AVEN: variants seen among roughly 807,000 people sequenced by gnomAD.
The protein encoded by AVEN is cell death regulator Aven.
Under a neutral mutation model 38.1 loss-of-function variants are expected in AVEN, and 41 were observed. The observed-to-expected ratio is 1.08, with a 90% CI of 0.84 to 1.40. AVEN has a LOEUF of 1.40. AVEN is among the 40% of genes most tolerant of loss of function. The probability of loss-of-function intolerance (pLI) is 0.00; values close to 1 mark genes in which losing one functional copy is unlikely to be tolerated. For missense variants in AVEN, 605 were observed against 438.8 expected (o/e 1.38, Z -3.38); for synonymous variants, 206 against 171.8 (o/e 1.20, Z -1.56).
intron 2 of AVEN, among the ~76,000 whole-genome samples, chr15:33,996,269 G>A (rs59031451): frequency 0.18 from 27,041 of 152,114 alleles, 3,306 homozygotes; most frequent in African/African-American, 0.34. Flanking sequence ...CTGGACAAAC[G>A]GCAGCAGAAA....
At chr15:33,900,078 C>A (rs773225726) in intron 2 of AVEN, among the ~76,000 whole-genome samples, 1 of 152,106 alleles carries the variant, frequency 6.6e-6, no homozygotes, top group Non-Finnish European at 1.5e-5. Context: ...GTCCTAGTGT[C>A]TACATCTGTA....
chr15:33,997,277 A>G (rs759212277), intron 2 of AVEN, among the ~76,000 whole-genome samples: 10 of 152,222 alleles, frequency 6.6e-5, no homozygotes, highest in Non-Finnish European at 1.5e-4. Flanking sequence ...GCAAACACAA[A>G]TATCAAAAGA....
At chr15:33,854,339 T>G (rs73372097), downstream of AVEN, 32,163 of 1,486,830 alleles carry the variant, frequency 0.022, 2,808 homozygotes, top group African/African-American at 0.23. Flanking sequence ...ATTGAGCACT[T>G]AACTACCTCT....
At chr15:33,917,351 GGTGT>G (rs148147589) in intron 2 of AVEN, among the ~76,000 whole-genome samples, 3,717 of 140,296 alleles carry the variant, frequency 0.026, 141 homozygotes, top group African/African-American at 0.079. Flanking sequence ...AAGAAAATGT[GGTGT>G]GTGTGTGTGT....
chr15:33,917,396 A>ACACACACAC lies in AVEN; in HGVS notation c.446-41402_446-41401insGTGTGTGTG, dbSNP rs1555506897. Among the ~76,000 whole-genome samples the ACACACACAC allele has an allele frequency of 4.6e-3, 108 of 23,260 alleles. 1 individual carries two copies. Among genetic ancestry groups the ACACACACAC allele is most frequent in the African/African-American group, 8.4e-3 (105 of 12,508 alleles). 15.3% of individuals were successfully genotyped at this position (23,260 alleles called of 152,430 possible). ...TGTGTATACACACACACACACACACACATGGAATACTACTATATATATACA... is the reference window on the plus strand; with the variant it reads ...TGTGTATACACACACACACACACACACACACACACCATGGAATACTACTATATATATACA... On this transcript the variant is annotated intron_variant, in intron 2 of 5. Coordinates refer to ENST00000306730, the MANE Select transcript of AVEN (RefSeq NM_020371.3).
chr15:33,852,991 T>G, the AVEN span: 2 of 1,470,662 alleles, frequency 1.4e-6, no homozygotes, highest in Non-Finnish European at 1.9e-6. Context: ...TTTCTTGATG[T>G]GTTTTCCTTG....
chr15:34,073,989 C>CTTTTTTTTTTTTTTTTTT (rs5811818), intron 1 of AVEN, among the ~76,000 whole-genome samples: 6 of 31,508 alleles, frequency 1.9e-4, no homozygotes, highest in African/African-American at 3.9e-4. Context: ...TCTTCTTCTT[C>CTTTTTTTTTTTTTTTTTT]TTTTTTTTTT....
chr15:33,942,801 T>A (rs62014515), intron 2 of AVEN, among the ~76,000 whole-genome samples: 5,563 of 152,276 alleles, frequency 0.037, 144 homozygotes, highest in South Asian at 0.069. Flanking sequence ...AATTACAATA[T>A]CCTGAGGATT....
intron 1 of AVEN, chr15:34,018,599 G>C (rs1329341472): frequency 6.6e-6 from 1 of 152,234 alleles, no homozygotes; most frequent in Non-Finnish European, 1.5e-5. Flanking sequence ...AGGTAGTGCA[G>C]ACCCAAAGAG....
intron 1 of AVEN, among the ~76,000 whole-genome samples, chr15:34,005,031 G>A (rs774661412): frequency 1.3e-5 from 2 of 151,950 alleles, no homozygotes; most frequent in Admixed American, 1.3e-4. Context: ...GAGAAAATTA[G>A]GAGGAAAAGA....
At chr15:34,005,703 T>C (rs1046796764) in intron 1 of AVEN, among the ~76,000 whole-genome samples, 1 of 152,248 alleles carries the variant, frequency 6.6e-6, no homozygotes, top group Non-Finnish European at 1.5e-5. Flanking sequence ...TTTGATCCAC[T>C]GTAAATTTCT....
At chr15:33,883,533 T>C (rs1039882024) in intron 2 of AVEN, 3 of 152,112 alleles carry the variant, frequency 2.0e-5, no homozygotes, top group African/African-American at 7.2e-5. Context: ...AACTGCTACA[T>C]GAGAAAAGCA....
intron 2 of AVEN, among the ~76,000 whole-genome samples, chr15:33,945,807 G>A (rs190828271): frequency 2.0e-5 from 3 of 152,024 alleles, no homozygotes; most frequent in Non-Finnish European, 2.9e-5. Flanking sequence ...GGATAGTCTC[G>A]ATCTCCTGAC....
chr15:34,057,692 G>C (rs760455776), intron 5 of AVEN, among the ~76,000 whole-genome samples: 5 of 152,194 alleles, frequency 3.3e-5, no homozygotes, highest in African/African-American at 4.8e-5. Context: ...AGCTACGTGG[G>C]AGGCTGAGGC....
chr15:33,890,346 T>C (rs796671325), intron 2 of AVEN, among the ~76,000 whole-genome samples: 6 of 152,286 alleles, frequency 3.9e-5, no homozygotes, highest in African/African-American at 1.4e-4. Context: ...TGGCACACAG[T>C]AGGCAGTTAG....
At chr15:34,061,041 T>C (rs967313953) in intron 5 of AVEN, among the ~76,000 whole-genome samples, 1 of 152,126 alleles carries the variant, frequency 6.6e-6, no homozygotes, top group Non-Finnish European at 1.5e-5. Flanking sequence ...GATTTTTTTT[T>C]TCCCTTTACC....
At chr15:33,905,791 G>T (rs1170037421) in intron 2 of AVEN, among the ~76,000 whole-genome samples, 1 of 147,706 alleles carries the variant, frequency 6.8e-6, no homozygotes, top group Non-Finnish European at 1.5e-5. Context: ...TTGCACTCCA[G>T]CCTGTATGAC....
chr15:33,860,974 G>C (rs1166054998), intron 11 of AVEN: 1 of 938,022 alleles, frequency 1.1e-6, no homozygotes, highest in Non-Finnish European at 1.7e-6. Flanking sequence ...AAAAGCATTA[G>C]AAAGAAAGTT....
intron 3 of AVEN, chr15:34,066,610 GC>G (rs1900516783): frequency 1.3e-5 from 2 of 152,216 alleles, no homozygotes. Flanking sequence ...CTCAAGACCA[GC>G]CTGGCAACAT....
Sources: gnomAD v4.1 joint callset for allele counts (sites outside exome capture counted in the v4.1 genomes callset) on GRCh38, gnomAD v4.1.1 for gene constraint, MANE v1.5 for transcripts, NCBI Gene and HGNC (gene_info 2026-07-23, HGNC 2026-07-21) for gene names.